TTC7B: variants seen among roughly 807,000 people sequenced by gnomAD.
The protein encoded by TTC7B is tetratricopeptide repeat protein 7B.
In TTC7B, 28 loss-of-function variants were observed where a neutral mutation model predicts 106.8. The observed-to-expected ratio is 0.26, with a 90% CI of 0.19 to 0.36. The LOEUF is 0.36. Among genes scored for constraint, TTC7B ranks in the 10% least tolerant of loss-of-function variants. The probability of loss-of-function intolerance (pLI) is 1.00; values close to 1 mark genes in which losing one functional copy is unlikely to be tolerated. For missense variants in TTC7B, 862 were observed against 1,076.4 expected (o/e 0.80, Z 2.79); for synonymous variants, 405 against 430.6 (o/e 0.94, Z 0.74).
intron 15 of TTC7B, among the ~76,000 whole-genome samples, chr14:90,625,119 AG>A (rs1816128045): frequency 1.3e-5 from 2 of 152,220 alleles, no homozygotes; most frequent in African/African-American, 2.4e-5. Context: ...ATCAGGCTGA[AG>A]GGGGCAGGGG....
Position 90,646,936 on chromosome 14 carries a change from A to G in TTC7B, c.1590+15T>C, listed in dbSNP as rs201980385. On this transcript the variant is annotated intron_variant, in intron 14 of 19. Coordinates refer to ENST00000328459, the MANE Select transcript of TTC7B (RefSeq NM_001010854.2). ...ACAGAGTGCAGCAAGTATAGGAAAC[A>G]TTAGAGAAACTGACCTGTCTGGAGA... 559 of 1,611,672 alleles carry G rather than the reference A, an allele frequency of 3.5e-4. No individual in the cohort carries two copies. Among genetic ancestry groups the G allele is most frequent in the Non-Finnish European group, 2.9e-4 (338 of 1,177,704 alleles).
intron 9 of TTC7B, among the ~76,000 whole-genome samples, chr14:90,660,587 T>G (rs1286823532): frequency 6.6e-6 from 1 of 152,090 alleles, no homozygotes; most frequent in Non-Finnish European, 1.5e-5. Context: ...CCACCTTCTC[T>G]TGTGCTGCTA....
At position 90,533,926 on chromosome 14, in the gene TTC7B, G is replaced by A. The variant is rs1022785264; in HGVS notation, c.*7442C>T. 6.6e-6 allele frequency: 1 copy of A among 152,384 alleles called. No individual in the cohort carries two copies. Among genetic ancestry groups the A allele is most frequent in the African/African-American group, 2.4e-5 (1 of 41,476 alleles). 9.4% of individuals were successfully genotyped at this position (152,384 alleles called of 1,614,324 possible). On this transcript the variant is annotated 3_prime_UTR_variant, in exon 20 of 20. Coordinates refer to ENST00000328459, the MANE Select transcript of TTC7B (RefSeq NM_001010854.2). ...GCCTGGCCCTGAGGCCCTGTGTGGT[G>A]GTCCTGAGGGGCGGTAGCCCTCGTG... is the stretch of plus-strand genomic sequence containing the variant.
chr14:90,769,142 T>G (rs1890782090), intron 3 of TTC7B, among the ~76,000 whole-genome samples: 1 of 152,286 alleles, frequency 6.6e-6, no homozygotes. Context: ...TCAAATGGAA[T>G]CTTCATGGTA....
At chr14:90,556,956 G>A (rs760147825) in intron 19 of TTC7B, among the ~76,000 whole-genome samples, 1 of 152,216 alleles carries the variant, frequency 6.6e-6, no homozygotes, top group African/African-American at 2.4e-5. Flanking sequence ...GGGCTCTGGC[G>A]AGGGAAGCGT....
At chr14:90,718,122 G>T (rs1464633557) in intron 5 of TTC7B, among the ~76,000 whole-genome samples, 1 of 152,224 alleles carries the variant, frequency 6.6e-6, no homozygotes, top group Admixed American at 6.5e-5. Flanking sequence ...ACCCCATGAG[G>T]TTTCAACTTG....
In TTC7B at chr14:90,541,552, G is replaced by T. The variant is rs533835963; in HGVS notation, c.2348C>A (p.Ala783Glu). 6.2e-7 allele frequency: 1 copy of T among 1,609,278 alleles called. No individual in the cohort carries two copies. Among genetic ancestry groups the T allele is most frequent in the Non-Finnish European group, 8.5e-7 (1 of 1,176,576 alleles). ...ILHQLGRYSL[A>E]EKILRDAVQV... Reference sequence around the variant, plus strand: ...CACCGCGTCCCGGAGGATCTTCTCCGCCAGACTGTAGCGGCCTAGCTGGTG... The same window carrying T: ...CACCGCGTCCCGGAGGATCTTCTCCTCCAGACTGTAGCGGCCTAGCTGGTG... The change falls in exon 20 of 20, where the codon GCG becomes GAG. Residue 783 changes from alanine (A) to glutamate (E), a missense_variant. Coordinates refer to ENST00000328459, the MANE Select transcript of TTC7B (RefSeq NM_001010854.2).
chr14:90,797,504 G>A (rs922702813), intron 1 of TTC7B, among the ~76,000 whole-genome samples: 1 of 151,290 alleles, frequency 6.6e-6, no homozygotes, highest in African/African-American at 2.4e-5. Flanking sequence ...CCAGCTCCTC[G>A]TTTACTGGGC....
At chr14:90,653,928 A>C (rs1272920660) in intron 12 of TTC7B, among the ~76,000 whole-genome samples, 1 of 152,234 alleles carries the variant, frequency 6.6e-6, no homozygotes, top group Admixed American at 6.5e-5. Flanking sequence ...CCCCTCACTC[A>C]AAGTCTACTA....
At chr14:90,618,090 C>G in intron 15 of TTC7B, 45 bp from the exon 16 acceptor site, 1 of 1,423,206 alleles carries the variant, frequency 7.0e-7, no homozygotes, top group Admixed American at 1.7e-5. Context: ...GCTCAAGCCA[C>G]AGAGTCCCCA....
At chr14:90,601,247 T>C (rs1459186505) in intron 17 of TTC7B, among the ~76,000 whole-genome samples, 1 of 152,196 alleles carries the variant, frequency 6.6e-6, no homozygotes, top group African/African-American at 2.4e-5. Context: ...TGCTCCCATA[T>C]ATACCTAGAT....
In TTC7B at chr14:90,528,140, A is replaced by T. The variant is rs1889190824; in HGVS notation, c.*13228T>A. ...CCGGTTACCCATACAAACCATGGAA[A>T]CAGGAATGGGTGACAGCCCCACGCT... On this transcript the variant is annotated 3_prime_UTR_variant, in exon 20 of 20. Coordinates refer to ENST00000328459, the MANE Select transcript of TTC7B (RefSeq NM_001010854.2). 1 of 152,148 alleles carries T rather than the reference A, an allele frequency of 6.6e-6. No homozygotes were observed. Among genetic ancestry groups the T allele is most frequent in the Admixed American group, 6.5e-5 (1 of 15,286 alleles). The allele number at this position is 152,148 out of a possible 1,614,324, so 9.4% of individuals were successfully genotyped here.
chr14:90,624,370 C>T lies in TTC7B; in HGVS notation c.1752-6325G>A, dbSNP rs1380557892. ...AGCTCTGGGGCACGCGGCATTGTGA[C>T]TGTCCAGTGTTCACCTCAGGAAATG... On this transcript the variant is annotated intron_variant, in intron 15 of 19. Coordinates refer to ENST00000328459, the MANE Select transcript of TTC7B (RefSeq NM_001010854.2). This position sits in a 1 kb window ranked among gnomAD's most constrained non-coding sequence, Gnocchi z 4.0. Among the ~76,000 whole-genome samples the T allele has an allele frequency of 2.0e-5, 3 of 152,204 alleles. No homozygotes were observed. Among genetic ancestry groups the T allele is most frequent in the Admixed American group, 6.5e-5 (1 of 15,282 alleles).
intron 9 of TTC7B, chr14:90,675,354 G>A (rs957899622): frequency 6.6e-6 from 1 of 152,396 alleles, no homozygotes; most frequent in African/African-American, 2.4e-5. Context: ...GCTTTGTGGT[G>A]GACACAGCTG....
intron 3 of TTC7B, among the ~76,000 whole-genome samples, chr14:90,765,834 G>A (rs556278089): frequency 6.3e-4 from 96 of 152,330 alleles, no homozygotes; most frequent in African/African-American, 2.2e-3. Flanking sequence ...GTGCAGAAAA[G>A]AGGCAGTAGC....
At chr14:90,682,506 G>A (rs941177463) in intron 7 of TTC7B, among the ~76,000 whole-genome samples, 6 of 152,146 alleles carry the variant, frequency 3.9e-5, no homozygotes, top group African/African-American at 7.2e-5. Context: ...ACCCATTTCC[G>A]GCCAATTCCT....
chr14:90,677,524 C>G (rs1394962520), intron 8 of TTC7B, among the ~76,000 whole-genome samples: 1 of 152,208 alleles, frequency 6.6e-6, no homozygotes, highest in Non-Finnish European at 1.5e-5. Flanking sequence ...CCTCTTTTCC[C>G]TAATAGGAAG....
At chr14:90,760,082 A>G (rs995883612) in intron 3 of TTC7B, among the ~76,000 whole-genome samples, 1 of 152,250 alleles carries the variant, frequency 6.6e-6, no homozygotes, top group African/African-American at 2.4e-5. Flanking sequence ...CTAGCTATAA[A>G]TAGAGGTGGA....
intron 2 of TTC7B, among the ~76,000 whole-genome samples, chr14:90,782,336 C>T (rs1891247759): frequency 6.6e-6 from 1 of 152,174 alleles, no homozygotes; most frequent in African/African-American, 2.4e-5. Flanking sequence ...CGGTGGCTCA[C>T]ACCTATAATC....
Sources: gnomAD v4.1 joint callset for allele counts (sites outside exome capture counted in the v4.1 genomes callset) on GRCh38, gnomAD v4.1.1 for gene constraint, Gnocchi (gnomAD v3.1) non-coding constraint, MANE v1.5 for transcripts, NCBI Gene and HGNC (gene_info 2026-07-23, HGNC 2026-07-21) for gene names.